Variants in ENTREP2 observed in about 807,000 individuals in gnomAD.
ENTREP2 encodes endosomal transmembrane epsin interactor 2.
the ENTREP2 span, among the ~76,000 whole-genome samples, chr15:29,480,659 G>C: frequency 2.6e-5 from 4 of 152,302 alleles, no homozygotes; most frequent in South Asian, 2.1e-4. Context: ...ACGTCTAGGA[G>C]GGGGAGCGGG....
chr15:29,213,061 T>C, the ENTREP2 span, among the ~76,000 whole-genome samples: 1 of 152,214 alleles, frequency 6.6e-6, no homozygotes, highest in African/African-American at 2.4e-5. Context: ...CTTTCCCCAT[T>C]TCTTGTTTTT....
At chr15:29,646,149 C>A in the ENTREP2 span, among the ~76,000 whole-genome samples, 1 of 152,160 alleles carries the variant, frequency 6.6e-6, no homozygotes, top group East Asian at 1.9e-4. Context: ...GAAAAGAAAT[C>A]ATTGATTGTG....
the ENTREP2 span, among the ~76,000 whole-genome samples, chr15:29,472,428 A>AACACACAACACACACACAC: frequency 7.1e-6 from 1 of 140,622 alleles, no homozygotes; most frequent in African/African-American, 2.7e-5. Context: ...CACAACACAC[A>AACACACAACACACACACAC]ACACACACAC....
chr15:29,128,970 G>A, the ENTREP2 span: 2,122 of 686,436 alleles, frequency 3.1e-3, 7 homozygotes, highest in Non-Finnish European at 4.6e-3. Context: ...GGGAAGCGCT[G>A]AGAGACGTTC....
the ENTREP2 span, among the ~76,000 whole-genome samples, chr15:29,322,505 G>A: frequency 4.6e-5 from 7 of 152,112 alleles, no homozygotes; most frequent in East Asian, 3.9e-4. Context: ...AATAAATCCC[G>A]GGACCCTAAT....
chr15:29,562,322 T>C, the ENTREP2 span, among the ~76,000 whole-genome samples: 83 of 152,340 alleles, frequency 5.4e-4, no homozygotes, highest in South Asian at 1.0e-3. Flanking sequence ...TTTTCCTAAT[T>C]TGGAGAGGTT....
At chr15:29,417,005 G>C in the ENTREP2 span, among the ~76,000 whole-genome samples, 1 of 152,190 alleles carries the variant, frequency 6.6e-6, no homozygotes, top group African/African-American at 2.4e-5. Context: ...ACAGGTGCTG[G>C]AGAGGGTGTG....
At chr15:29,343,573 G>T in the ENTREP2 span, among the ~76,000 whole-genome samples, 12 of 150,428 alleles carry the variant, frequency 8.0e-5, no homozygotes, top group South Asian at 2.1e-4. Flanking sequence ...AAAACCAGGC[G>T]CTCTCTCTCT....
chr15:29,458,060 A>G, the ENTREP2 span, among the ~76,000 whole-genome samples: 23 of 152,196 alleles, frequency 1.5e-4, no homozygotes, highest in Middle Eastern at 3.4e-3. Context: ...GGCTCACACA[A>G]TTACAGAAGC....
the ENTREP2 span, among the ~76,000 whole-genome samples, chr15:29,651,720 C>T: frequency 8.5e-5 from 13 of 152,346 alleles, no homozygotes; most frequent in Admixed American, 3.3e-4. Flanking sequence ...TATACACACT[C>T]GGGGCAGCAC....
the ENTREP2 span, among the ~76,000 whole-genome samples, chr15:29,337,006 T>C: frequency 2.0e-5 from 3 of 152,188 alleles, no homozygotes; most frequent in Non-Finnish European, 2.9e-5. Flanking sequence ...CCGTGCAAAA[T>C]GGCCAGAATT....
the ENTREP2 span, among the ~76,000 whole-genome samples, chr15:29,590,306 G>A: frequency 3.3e-5 from 5 of 152,248 alleles, no homozygotes; most frequent in East Asian, 1.9e-4. Flanking sequence ...CTTCAGAGGA[G>A]CTCTGCCTTA....
chr15:29,336,634 GAA>G, the ENTREP2 span, among the ~76,000 whole-genome samples: 2 of 84,998 alleles, frequency 2.4e-5, no homozygotes, highest in Non-Finnish European at 7.4e-5. Flanking sequence ...AAAGTCAAAA[GAA>G]AACAGTGTAC....
the ENTREP2 span, among the ~76,000 whole-genome samples, chr15:29,240,376 A>G: frequency 1.2e-3 from 177 of 152,118 alleles, 1 homozygote; most frequent in Non-Finnish European, 1.4e-3. Context: ...AAAAAAAAAA[A>G]AAAGAAAGAA....
chr15:29,158,747 C>T, the ENTREP2 span, among the ~76,000 whole-genome samples: 1 of 151,992 alleles, frequency 6.6e-6, no homozygotes, highest in East Asian at 1.9e-4. Flanking sequence ...TCTTTCATTG[C>T]TGATACTGAG....
At chr15:29,414,109 G>T in the ENTREP2 span, among the ~76,000 whole-genome samples, 2 of 152,072 alleles carry the variant, frequency 1.3e-5, no homozygotes, top group African/African-American at 2.4e-5. Context: ...AAGTTAACAA[G>T]GATATCCAGG....
chr15:29,476,791 C>T, the ENTREP2 span, among the ~76,000 whole-genome samples: 8 of 152,164 alleles, frequency 5.3e-5, no homozygotes, highest in African/African-American at 9.7e-5. Flanking sequence ...CAGCAAGGAG[C>T]GGCCAAACCT....
chr15:29,159,299 G>T, the ENTREP2 span, among the ~76,000 whole-genome samples: 3 of 152,110 alleles, frequency 2.0e-5, no homozygotes, highest in East Asian at 1.9e-4. Context: ...ATAGGTTCGT[G>T]GTCTCGCTGG....
At chr15:29,140,011 G>A in the ENTREP2 span, among the ~76,000 whole-genome samples, 2,618 of 152,306 alleles carry the variant, frequency 0.017, 56 homozygotes, top group African/African-American at 0.055. Flanking sequence ...GCACCTGGCC[G>A]GCCTGCGGGG....
Sources: allele counts gnomAD v4.1 joint callset (sites outside exome capture counted in the v4.1 genomes callset), GRCh38; gene constraint gnomAD v4.1.1; transcripts MANE v1.5; gene names NCBI Gene and HGNC (gene_info 2026-07-23, HGNC 2026-07-21).